The following FCHSD2 variants were observed in gnomAD, a reference collection of about 807,000 sequenced individuals.
The protein encoded by FCHSD2 is FCH and double SH3 domains 2.
In FCHSD2, 38 loss-of-function variants were observed where a neutral mutation model predicts 108.1. The ratio of observed to expected loss-of-function variants is 0.35; its 90% CI spans 0.27 to 0.46. The LOEUF (loss-of-function observed/expected upper bound fraction) is 0.46, where lower values mean the gene tolerates loss of function less well. FCHSD2 is among the 20% of genes least tolerant of loss of function. The pLI, the probability that FCHSD2 is intolerant of heterozygous loss-of-function variation, is 1.00. For synonymous variants in FCHSD2, 279 were observed against 314.7 expected (o/e 0.89, Z 1.20); for missense variants, 751 against 897.8 (o/e 0.84, Z 2.09).
chr11:73,133,323 C>T (rs1334607853), intron 2 of FCHSD2, among the ~76,000 whole-genome samples: 1 of 152,108 alleles, frequency 6.6e-6, no homozygotes, highest in African/African-American at 2.4e-5. Context: ...ATGAAATGTT[C>T]ATAGCAGCAT....
intron 7 of FCHSD2, 58 bp downstream of exon 7, chr11:72,985,002 TTC>T: frequency 1.4e-6 from 1 of 715,496 alleles, no homozygotes; most frequent in Non-Finnish European, 2.5e-6. Context: ...AAAGATCCAA[TTC>T]TCTGTTTTAC....
At chr11:73,119,117 C>CA (rs2135555768) in intron 2 of FCHSD2, among the ~76,000 whole-genome samples, 2 of 152,214 alleles carry the variant, frequency 1.3e-5, no homozygotes, top group South Asian at 4.2e-4. Context: ...TCCTGGGCAA[C>CA]ATGATGAGAT....
chr11:73,020,143 T>C (rs145918758), intron 3 of FCHSD2, among the ~76,000 whole-genome samples: 1 of 152,216 alleles, frequency 6.6e-6, no homozygotes, highest in Non-Finnish European at 1.5e-5. Flanking sequence ...TAAAAAGCCA[T>C]CAGTGTCTGA....
chr11:72,980,708 G>GTA (rs1165578548), intron 8 of FCHSD2, among the ~76,000 whole-genome samples: 3 of 148,650 alleles, frequency 2.0e-5, no homozygotes, highest in South Asian at 4.2e-4. Context: ...ATGTATGTAT[G>GTA]TATATATATG....
chr11:72,895,153 G>A (rs915532626), intron 10 of FCHSD2, among the ~76,000 whole-genome samples: 3 of 152,198 alleles, frequency 2.0e-5, no homozygotes, highest in Admixed American at 6.5e-5. Flanking sequence ...CTAGATAATT[G>A]TTGAGTGTGC....
At chr11:72,997,902 T>C (rs546743019) in intron 5 of FCHSD2, among the ~76,000 whole-genome samples, 25 of 152,302 alleles carry the variant, frequency 1.6e-4, no homozygotes, top group African/African-American at 5.5e-4. Context: ...GATTTCACCA[T>C]GTTGGCCAGG....
At chr11:73,027,680 G>A (rs1474141803) in intron 3 of FCHSD2, among the ~76,000 whole-genome samples, 1 of 152,246 alleles carries the variant, frequency 6.6e-6, no homozygotes, top group Non-Finnish European at 1.5e-5. Flanking sequence ...TGTCTCCAGG[G>A]CATTTCAGAG....
chr11:73,024,246 C>A (rs899876732), intron 3 of FCHSD2, among the ~76,000 whole-genome samples: 1 of 151,962 alleles, frequency 6.6e-6, no homozygotes, highest in Non-Finnish European at 1.5e-5. Context: ...AAATGTGAGA[C>A]ATAACCTCAT....
chr11:73,054,682 A>AT (rs112576724), intron 3 of FCHSD2, among the ~76,000 whole-genome samples: 3,599 of 150,026 alleles, frequency 0.024, 139 homozygotes, highest in African/African-American at 0.08. Context: ...TCCTGTTATA[A>AT]TTTTTTTTTT....
intron 9 of FCHSD2, among the ~76,000 whole-genome samples, chr11:72,906,470 T>C (rs1467649238): frequency 1.3e-5 from 2 of 152,258 alleles, no homozygotes; most frequent in Admixed American, 6.5e-5. Flanking sequence ...TTGCCATTGC[T>C]TTCGGTGTTT....
At chr11:72,878,096 A>G (rs186698111) in intron 12 of FCHSD2, among the ~76,000 whole-genome samples, 1 of 152,224 alleles carries the variant, frequency 6.6e-6, no homozygotes, top group African/African-American at 2.4e-5. Context: ...TAAATGTAAA[A>G]TCAAAGAAAT....
rs536945774 is a variant in FCHSD2, at chr11:72,988,961, T to C, written c.521+3A>G. The stretch of plus-strand genomic sequence containing the variant: ...ATTTTCTCAGAAATGTTAAAACACA[T>C]ACTTTGCCTCGATGTCAGCTTTCTC... On this transcript the variant is annotated splice_donor_region_variant and intron_variant, in intron 6 of 19. Coordinates refer to ENST00000409418, the MANE Select transcript of FCHSD2 (RefSeq NM_014824.3). 13 of 1,600,720 alleles carry C rather than the reference T, an allele frequency of 8.1e-6. No homozygotes were observed. The Admixed American group carries it at 1.4e-4, about 18-fold the overall frequency.
Position 72,838,617 on chromosome 11 carries a change from C to A in FCHSD2, c.*174G>T. On this transcript the variant is annotated 3_prime_UTR_variant, in exon 20 of 20. Coordinates refer to ENST00000409418, the MANE Select transcript of FCHSD2 (RefSeq NM_014824.3). ...AGAAAATGACAACAAAAAAAAAAGG[C>A]ACGAAATATTCAAAACGTGGGAGGA... is the stretch of plus-strand genomic sequence containing the variant. 1 of 590,878 alleles carries A rather than the reference C, an allele frequency of 1.7e-6. No individual in the cohort carries two copies. The highest frequency in any genetic ancestry group is 3.0e-6 in the Non-Finnish European group (1 of 332,094). The allele number at this position is 590,878 out of a possible 1,614,324, so 36.6% of individuals were successfully genotyped here. A position where few individuals can be genotyped will look rare whatever the true frequency, so the allele number is the denominator to read the frequency against.
chr11:72,880,076 C>CAAAT (rs1855052251), intron 12 of FCHSD2, among the ~76,000 whole-genome samples: 1 of 135,764 alleles, frequency 7.4e-6, no homozygotes, highest in Non-Finnish European at 1.6e-5. Flanking sequence ...CAAAAACAAA[C>CAAAT]AAACAAACAA....
intron 12 of FCHSD2, among the ~76,000 whole-genome samples, chr11:72,872,983 G>A (rs1854892912): frequency 6.6e-6 from 1 of 152,162 alleles, no homozygotes; most frequent in Non-Finnish European, 1.5e-5. Context: ...CATGCTAGTG[G>A]ATATAAAGTG....
intron 8 of FCHSD2, among the ~76,000 whole-genome samples, chr11:72,923,180 AAAT>A (rs1473825836): frequency 6.6e-6 from 1 of 152,188 alleles, no homozygotes; most frequent in Non-Finnish European, 1.5e-5. Context: ...CAGGTGATAT[AAAT>A]TTGCCTTTTC....
intron 3 of FCHSD2, among the ~76,000 whole-genome samples, chr11:73,018,804 T>C (rs887835725): frequency 2.0e-5 from 3 of 152,152 alleles, no homozygotes; most frequent in African/African-American, 7.2e-5. Context: ...CTTGGTAAAA[T>C]TACAGTCAAA....
chr11:72,992,757 T>C (rs1857441681), intron 5 of FCHSD2, among the ~76,000 whole-genome samples: 1 of 152,134 alleles, frequency 6.6e-6, no homozygotes, highest in Non-Finnish European at 1.5e-5. Context: ...AAAAATTAAT[T>C]CAAGATGGAT....
chr11:72,862,817 A>G (rs1231837708), intron 13 of FCHSD2, among the ~76,000 whole-genome samples: 2 of 152,250 alleles, frequency 1.3e-5, no homozygotes, highest in Non-Finnish European at 2.9e-5. Flanking sequence ...ACCTGAAGTC[A>G]TGACTTATTA....
Sources: gnomAD v4.1 joint callset for allele counts (sites outside exome capture counted in the v4.1 genomes callset) on GRCh38, gnomAD v4.1.1 for gene constraint, MANE v1.5 for transcripts, NCBI Gene and HGNC (gene_info 2026-07-23, HGNC 2026-07-21) for gene names.